FBXL17: variants seen among roughly 807,000 people sequenced by gnomAD.
FBXL17 encodes the protein F-box/LRR-repeat protein 17.
In FBXL17, 22 loss-of-function variants were observed where a neutral mutation model predicts 66.2. The observed-to-expected ratio is 0.33, with a 90% CI of 0.24 to 0.47. The LOEUF (loss-of-function observed/expected upper bound fraction) is 0.47, where lower values mean the gene tolerates loss of function less well. Ranked by LOEUF, FBXL17 falls within the 20% of genes least tolerant of loss-of-function variation. FBXL17 has a pLI of 1.00. For missense variants in FBXL17, 878 were observed against 948.2 expected, an observed-to-expected ratio of 0.93 and a Z score of 0.97; for synonymous variants, 474 against 400.5, an observed-to-expected ratio of 1.18 and a Z score of -2.19.
chr5:107,869,215 G>A (rs1164467508), intron 8 of FBXL17, among the ~76,000 whole-genome samples: 1 of 152,210 alleles, frequency 6.6e-6, no homozygotes, highest in Non-Finnish European at 1.5e-5. Flanking sequence ...TGGTGGCCCA[G>A]AGGCAGAGTG....
chr5:107,993,996 T>G (rs1753369373), intron 7 of FBXL17, among the ~76,000 whole-genome samples: 1 of 152,166 alleles, frequency 6.6e-6, no homozygotes, highest in South Asian at 2.1e-4. Context: ...TAGAATTAGC[T>G]GATAAGAGAT....
At chr5:108,371,261 G>C (rs1749021371) in intron 1 of FBXL17, among the ~76,000 whole-genome samples, 1 of 152,172 alleles carries the variant, frequency 6.6e-6, no homozygotes, top group South Asian at 2.1e-4. Flanking sequence ...AATTGGGGAA[G>C]AGAACTCTGT....
At chr5:108,225,242 G>C (rs1755052122) in intron 4 of FBXL17, among the ~76,000 whole-genome samples, 1 of 152,108 alleles carries the variant, frequency 6.6e-6, no homozygotes. Context: ...ATATGTGTTG[G>C]AATTTCCTTA....
intron 6 of FBXL17, among the ~76,000 whole-genome samples, chr5:108,085,478 C>A (rs796090607): frequency 2.6e-4 from 39 of 152,266 alleles, no homozygotes; most frequent in African/African-American, 9.4e-4. Flanking sequence ...GATGGCTGAG[C>A]GTAGGCTAAG....
chr5:108,345,305 C>G (rs961905796), intron 4 of FBXL17, among the ~76,000 whole-genome samples: 2 of 151,436 alleles, frequency 1.3e-5, no homozygotes, highest in South Asian at 2.1e-4. Context: ...CCATTGCACT[C>G]CAGCCTGGGT....
intron 6 of FBXL17, among the ~76,000 whole-genome samples, chr5:108,041,458 C>T (rs1196695092): frequency 6.6e-6 from 1 of 152,114 alleles, no homozygotes; most frequent in African/African-American, 2.4e-5. Flanking sequence ...ACTCTATCAC[C>T]CAGGCCGGAG....
At chr5:108,205,541 T>G (rs1754081892) in intron 5 of FBXL17, among the ~76,000 whole-genome samples, 1 of 152,210 alleles carries the variant, frequency 6.6e-6, no homozygotes. Flanking sequence ...TTGTCTTGAG[T>G]GTTTTCTATA....
intron 7 of FBXL17, among the ~76,000 whole-genome samples, chr5:107,963,254 G>T (rs1426997857): frequency 4.6e-5 from 7 of 152,096 alleles, no homozygotes; most frequent in Admixed American, 1.3e-4. Context: ...TACATTGAGG[G>T]CCTATTGTGA....
chr5:108,190,844 G>A (rs949512961), intron 5 of FBXL17, among the ~76,000 whole-genome samples: 1 of 151,970 alleles, frequency 6.6e-6, no homozygotes, highest in African/African-American at 2.4e-5. Context: ...GGGCGTTTTT[G>A]ATCTCCACAC....
chr5:107,898,655 G>A (rs1333137824), intron 7 of FBXL17, among the ~76,000 whole-genome samples: 2 of 152,072 alleles, frequency 1.3e-5, no homozygotes, highest in African/African-American at 4.8e-5. Flanking sequence ...GGTGTGTGAT[G>A]TTCCCCTCCC....
At chr5:108,306,802 C>T (rs1395837539) in intron 4 of FBXL17, among the ~76,000 whole-genome samples, 1 of 151,254 alleles carries the variant, frequency 6.6e-6, no homozygotes, top group East Asian at 1.9e-4. Flanking sequence ...AGAAACTGAA[C>T]CTTCATATTC....
intron 7 of FBXL17, among the ~76,000 whole-genome samples, chr5:107,923,224 A>C (rs577323350): frequency 6.6e-6 from 1 of 152,294 alleles, no homozygotes; most frequent in Non-Finnish European, 1.5e-5. Flanking sequence ...ATATTTGTTA[A>C]AGGAATAAAT....
intron 6 of FBXL17, among the ~76,000 whole-genome samples, chr5:108,124,987 T>C (rs1750641568): frequency 6.6e-6 from 1 of 151,994 alleles, no homozygotes; most frequent in Non-Finnish European, 1.5e-5. Context: ...TAAAAATCCA[T>C]GTTCAACTAA....
chr5:108,220,055 T>C (rs2150071549), intron 5 of FBXL17, among the ~76,000 whole-genome samples: 1 of 151,916 alleles, frequency 6.6e-6, no homozygotes, highest in East Asian at 1.9e-4. Flanking sequence ...TTTGTTTCAT[T>C]ATTTTTATCT....
At chr5:108,159,334 T>C (rs1295137116) in intron 6 of FBXL17, among the ~76,000 whole-genome samples, 1 of 152,224 alleles carries the variant, frequency 6.6e-6, no homozygotes, top group Non-Finnish European at 1.5e-5. Context: ...AATCCGTTGA[T>C]AGTGTGATAC....
rs1233513756 is a variant in FBXL17 at position 108,381,827 on chromosome 5, C to T, written c.-136G>A. The stretch of plus-strand genomic sequence containing the variant: ...CTTCCTGCGCACACACACGCACACA[C>T]GGGCACACACGCGACGGTGGGGGGT... On this transcript the variant is annotated 5_prime_UTR_variant, in exon 1 of 9. It adds an upstream start codon to the 5' untranslated region. Transcript: ENST00000542267. The T allele has an allele frequency of 2.3e-6, 3 of 1,303,614 alleles. No homozygotes were observed. The highest frequency in any genetic ancestry group is 2.9e-6 in the Non-Finnish European group (3 of 1,026,946). 80.8% of individuals were successfully genotyped at this position (1,303,614 alleles called of 1,614,324 possible). A position where few individuals can be genotyped will look rare whatever the true frequency, so the allele number is the denominator to read the frequency against.
chr5:108,343,702 G>T (rs554509188), intron 4 of FBXL17, among the ~76,000 whole-genome samples: 17 of 152,080 alleles, frequency 1.1e-4, no homozygotes, highest in Non-Finnish European at 2.1e-4. Flanking sequence ...TACTCTAGTT[G>T]ATTATCAACA....
At chr5:107,862,588 T>G (rs1044842148) in intron 8 of FBXL17, among the ~76,000 whole-genome samples, 1 of 152,226 alleles carries the variant, frequency 6.6e-6, no homozygotes, top group African/African-American at 2.4e-5. Context: ...AGTAGACAGT[T>G]TTCTTCATCC....
intron 7 of FBXL17, among the ~76,000 whole-genome samples, chr5:107,992,629 C>T (rs1052008187): frequency 7.9e-5 from 12 of 152,052 alleles, no homozygotes; most frequent in Non-Finnish European, 8.8e-5. Context: ...TTGGGGTACA[C>T]ATTTTAAAAA....
Sources: allele counts gnomAD v4.1 joint callset (sites outside exome capture counted in the v4.1 genomes callset), GRCh38; gene constraint gnomAD v4.1.1; transcripts MANE v1.5; gene names NCBI Gene and HGNC (gene_info 2026-07-23, HGNC 2026-07-21).